PLCL2: variants seen among roughly 807,000 people sequenced by gnomAD.
The protein encoded by PLCL2 is inactive phospholipase C-like protein 2.
A neutral mutation model predicts 79.6 loss-of-function variants in PLCL2; 4 were observed. The ratio of observed to expected loss-of-function variants is 0.05; its 90% CI spans 0.02 to 0.11. PLCL2 has a LOEUF of 0.11. Ranked by LOEUF, PLCL2 falls within the 10% of genes least tolerant of loss-of-function variation. PLCL2 has a pLI of 1.00. For missense variants in PLCL2, 895 were observed against 1,291.0 expected (o/e 0.69, Z 4.70); for synonymous variants, 484 against 457.7 (o/e 1.06, Z -0.73).
intron 1 of PLCL2, among the ~76,000 whole-genome samples, chr3:16,984,695 G>A (rs1364627438): frequency 6.6e-6 from 1 of 152,160 alleles, no homozygotes; most frequent in African/African-American, 2.4e-5. Context: ...CACTTTGGGA[G>A]GCCCAGGCAG....
chr3:17,080,479 C>T (rs2065151732), intron 5 of PLCL2, among the ~76,000 whole-genome samples: 1 of 152,134 alleles, frequency 6.6e-6, no homozygotes, highest in African/African-American at 2.4e-5. Flanking sequence ...CAGACGGAGT[C>T]TTTCTCTGTC....
At chr3:16,906,371 A>C (rs1405923889) in intron 1 of PLCL2, among the ~76,000 whole-genome samples, 1 of 152,176 alleles carries the variant, frequency 6.6e-6, no homozygotes, top group Non-Finnish European at 1.5e-5. Context: ...ATTTTTGAAT[A>C]AAGTTGAGAG....
In PLCL2 at chr3:16,984,329, T is replaced by C. The variant is rs567509595; in HGVS notation, c.328-25345T>C. Among the ~76,000 whole-genome samples, 4 of 152,294 alleles carry C rather than the reference T, an allele frequency of 2.6e-5. No individual in the cohort carries two copies. In the South Asian group the frequency reaches 8.3e-4, roughly 32 times the overall value. ...TGGTTCTTCCTTTCCACTTCATTTA[T>C]TGATTCTGCTTAATAGACTTATAAT... On this transcript the variant is annotated intron_variant, in intron 1 of 5. Transcript: ENST00000615277.
At chr3:17,081,041 C>T (rs2065157527) in intron 5 of PLCL2, 2 of 388,688 alleles carry the variant, frequency 5.1e-6, no homozygotes, top group South Asian at 1.9e-5. Context: ...GCTGTTCAGA[C>T]TCTACCCGTA....
At chr3:16,912,915 A>T (rs1482697264) in intron 1 of PLCL2, among the ~76,000 whole-genome samples, 3 of 152,130 alleles carry the variant, frequency 2.0e-5, no homozygotes, top group Non-Finnish European at 2.9e-5. Context: ...ATTGTTTCTG[A>T]TGCTGGTACC....
At chr3:17,040,158 T>C (rs1456313652) in intron 3 of PLCL2, among the ~76,000 whole-genome samples, 1 of 152,196 alleles carries the variant, frequency 6.6e-6, no homozygotes, top group Non-Finnish European at 1.5e-5. Context: ...CTAGGGTACA[T>C]GTGCTTCATT....
intron 1 of PLCL2, among the ~76,000 whole-genome samples, chr3:16,896,397 G>T (rs1437354181): frequency 1.3e-5 from 2 of 152,206 alleles, no homozygotes; most frequent in African/African-American, 4.8e-5. Flanking sequence ...CTGGGCCTGG[G>T]TGGAAAGTTG....
intron 1 of PLCL2, among the ~76,000 whole-genome samples, chr3:16,945,751 C>T (rs926445709): frequency 3.9e-5 from 6 of 152,162 alleles, no homozygotes; most frequent in African/African-American, 7.2e-5. Context: ...GTCATATAGC[C>T]ACTCTGTTTC....
At chr3:16,955,008 T>C (rs1438450118) in intron 1 of PLCL2, among the ~76,000 whole-genome samples, 2 of 152,248 alleles carry the variant, frequency 1.3e-5, no homozygotes, top group Admixed American at 6.5e-5. Context: ...TTTCTTTTGC[T>C]GTGCAGAAGC....
intron 1 of PLCL2, among the ~76,000 whole-genome samples, chr3:16,961,202 C>T (rs1404075222): frequency 6.6e-6 from 1 of 152,184 alleles, no homozygotes; most frequent in Admixed American, 6.5e-5. Context: ...TTAGTGTATA[C>T]CACTAGCAAA....
At chr3:17,020,856 T>C (rs571418590) in intron 3 of PLCL2, among the ~76,000 whole-genome samples, 6 of 152,324 alleles carry the variant, frequency 3.9e-5, no homozygotes, top group African/African-American at 1.4e-4. Context: ...TGCAGCATCA[T>C]GAACATTCTG....
intron 1 of PLCL2, among the ~76,000 whole-genome samples, chr3:16,982,380 T>G (rs936907573): frequency 1.3e-5 from 2 of 152,204 alleles, no homozygotes; most frequent in African/African-American, 4.8e-5. Context: ...GACTTGCCAT[T>G]TTTTTCTTTC....
At chr3:16,956,452 T>C (rs1296746212) in intron 1 of PLCL2, among the ~76,000 whole-genome samples, 3 of 152,148 alleles carry the variant, frequency 2.0e-5, no homozygotes, top group African/African-American at 7.2e-5. Context: ...TGAGGATTTT[T>C]GCATCAATGT....
At chr3:16,974,007 T>C (rs535914353) in intron 1 of PLCL2, among the ~76,000 whole-genome samples, 92 of 151,648 alleles carry the variant, frequency 6.1e-4, no homozygotes, top group Non-Finnish European at 1.1e-3. Context: ...TGAGTAGGAG[T>C]TGAACTAAGC....
chr3:16,922,989 AATAC>A (rs1697158322), intron 1 of PLCL2, among the ~76,000 whole-genome samples: 1 of 152,184 alleles, frequency 6.6e-6, no homozygotes, highest in African/African-American at 2.4e-5. Flanking sequence ...ACCCCTCTAT[AATAC>A]ATATTTAAAA....
chr3:16,917,130 CG>C (rs1697015953), intron 1 of PLCL2, among the ~76,000 whole-genome samples: 1 of 152,180 alleles, frequency 6.6e-6, no homozygotes, highest in African/African-American at 2.4e-5. Flanking sequence ...ACATAGGACA[CG>C]GTCCCATTTT....
In PLCL2 at chr3:17,011,075, T is replaced by C. The variant is rs1369207263; in HGVS notation, c.1729T>C (p.Ser577Pro). The C allele has an allele frequency of 1.2e-6, 2 of 1,613,982 alleles. No individual in the cohort carries two copies. Among genetic ancestry groups the C allele is most frequent in the South Asian group, 2.2e-5 (2 of 91,074 alleles). Reference sequence around the variant, plus strand: ...AGCAAAGAAGCTGTCCTCAAATTGCTCTGGGGTAGAAGGAGATGTTACTGA... The same window carrying C: ...AGCAAAGAAGCTGTCCTCAAATTGCCCTGGGGTAGAAGGAGATGTTACTGA... ...IKAKKLSSNC[S>P]GVEGDVTDED... Residue 577 changes from serine to proline, a missense_variant, in exon 2 of 6, where the codon TCT becomes CCT. By Grantham distance (74) the Ser-to-Pro change is moderately conservative (BLOSUM62 -1). Around this residue, in one of 6 missense-constraint regions of PLCL2, gnomAD observed 242 missense variants for 399.5 expected, o/e 0.61. Transcript: ENST00000615277. This position sits in a 1 kb window ranked among gnomAD's most constrained non-coding sequence, Gnocchi z 7.9.
intron 5 of PLCL2, among the ~76,000 whole-genome samples, chr3:17,085,085 G>A (rs957709504): frequency 6.6e-5 from 10 of 152,084 alleles, no homozygotes; most frequent in African/African-American, 2.4e-4. Context: ...AATTATGGCA[G>A]GGTTGCAGGA....
intron 3 of PLCL2, among the ~76,000 whole-genome samples, chr3:17,018,109 C>A (rs75848684): frequency 6.6e-6 from 1 of 152,032 alleles, no homozygotes; most frequent in Non-Finnish European, 1.5e-5. Context: ...TTAGTAGGAA[C>A]TGGACTGGGA....
Sources: allele counts gnomAD v4.1 joint callset (sites outside exome capture counted in the v4.1 genomes callset), GRCh38; gene constraint gnomAD v4.1.1; regional missense constraint gnomAD v4.1.1; non-coding constraint Gnocchi (gnomAD v3.1); transcripts MANE v1.5; gene names NCBI Gene and HGNC (gene_info 2026-07-23, HGNC 2026-07-21).